LTN1: variants seen among roughly 807,000 people sequenced by gnomAD.
LTN1 encodes E3 ubiquitin-protein ligase listerin.
LTN1 carries 88 observed loss-of-function variants against 201.2 expected under a neutral mutation model. The observed-to-expected ratio is 0.44, with a 90% CI of 0.37 to 0.52. The LOEUF (loss-of-function observed/expected upper bound fraction) is 0.52, where lower values mean the gene tolerates loss of function less well. LTN1 is among the 20% of genes least tolerant of loss of function. The pLI is 0.00. For missense variants in LTN1, 1,752 were observed against 2,038.7 expected (o/e 0.86, Z 2.71); for synonymous variants, 645 against 713.5 (o/e 0.90, Z 1.53).
chr21:28,982,947 A>C (rs2084670181), intron 4 of LTN1, among the ~76,000 whole-genome samples: 1 of 152,270 alleles, frequency 6.6e-6, no homozygotes, highest in Non-Finnish European at 1.5e-5. Context: ...TCCATGAAGT[A>C]CAAGTTAATT....
chr21:28,980,006 G>A (rs570389704), intron 6 of LTN1, among the ~76,000 whole-genome samples: 1 of 152,242 alleles, frequency 6.6e-6, no homozygotes, highest in South Asian at 2.1e-4. Context: ...GTGTCTTGCA[G>A]TCATTTGTGG....
At chr21:28,980,740 G>A (rs1362250189) in intron 6 of LTN1, among the ~76,000 whole-genome samples, 1 of 152,008 alleles carries the variant, frequency 6.6e-6, no homozygotes, top group Non-Finnish European at 1.5e-5. Context: ...AGAATGATAA[G>A]AATCAACTGC....
At chr21:28,936,120 C>T (rs1363937856) in intron 26 of LTN1, among the ~76,000 whole-genome samples, 2 of 152,266 alleles carry the variant, frequency 1.3e-5, no homozygotes, top group East Asian at 3.9e-4. Flanking sequence ...ATTTAAAAAA[C>T]TCATATTCTT....
At chr21:28,944,824 C>A (rs1217302102) in intron 21 of LTN1, among the ~76,000 whole-genome samples, 2 of 152,058 alleles carry the variant, frequency 1.3e-5, no homozygotes, top group Non-Finnish European at 1.5e-5. Context: ...TCTCAAGTAC[C>A]CTTTTTAATT....
At chr21:28,933,702 G>A (rs2084230829) in intron 27 of LTN1, among the ~76,000 whole-genome samples, 1 of 142,664 alleles carries the variant, frequency 7.0e-6, no homozygotes, top group Admixed American at 7.1e-5. Context: ...TTGAGATGGA[G>A]TTTCACTCTT....
At chr21:28,936,156 A>G (rs2084255210) in intron 26 of LTN1, among the ~76,000 whole-genome samples, 1 of 152,232 alleles carries the variant, frequency 6.6e-6, no homozygotes, top group South Asian at 2.1e-4. Context: ...ATACTGTAGT[A>G]CAACCAGATA....
intron 11 of LTN1, chr21:28,964,763 A>G (rs2146295953): frequency 6.5e-7 from 1 of 1,549,606 alleles, no homozygotes; most frequent in East Asian, 2.4e-5. Context: ...CGGCAGGTAC[A>G]TTCCTAAGTT....
chr21:28,930,038 T>C lies in LTN1; in HGVS notation c.*410A>G, dbSNP rs1225660528. On this transcript the variant is annotated 3_prime_UTR_variant, in exon 30 of 30. Coordinates refer to ENST00000361371, the MANE Select transcript of LTN1 (RefSeq NM_015565.3). ...AAAATATCTATAGATGTAAATCAGC[T>C]CTCTCAGTTCGTTTTGCTTCACTTG... The C allele has an allele frequency of 6.5e-6, 1 of 154,862 alleles. No individual in the cohort carries two copies. Among genetic ancestry groups the C allele is most frequent in the African/African-American group, 2.4e-5 (1 of 41,518 alleles). 9.6% of individuals were successfully genotyped at this position (154,862 alleles called of 1,614,324 possible).
intron 9 of LTN1, among the ~76,000 whole-genome samples, chr21:28,969,237 T>C (rs2084553106): frequency 6.6e-6 from 1 of 151,602 alleles, no homozygotes; most frequent in Non-Finnish European, 1.5e-5. Context: ...AAAAAAGGGA[T>C]TTTTGCATCC....
intron 10 of LTN1, 97 bp from the exon 11 acceptor site, chr21:28,966,003 G>T: frequency 1.3e-6 from 1 of 763,586 alleles, no homozygotes; most frequent in Non-Finnish European, 2.1e-6. Flanking sequence ...GAACTCATGG[G>T]CTCAAGCCAA....
intron 18 of LTN1, among the ~76,000 whole-genome samples, chr21:28,949,402 A>T (rs1372637931): frequency 6.6e-6 from 1 of 152,206 alleles, no homozygotes; most frequent in African/African-American, 2.4e-5. Context: ...TTTAAAGTGT[A>T]GAGTTCTGCA....
intron 3 of LTN1, among the ~76,000 whole-genome samples, chr21:28,985,853 G>A (rs910455030): frequency 6.6e-6 from 1 of 151,928 alleles, no homozygotes; most frequent in Non-Finnish European, 1.5e-5. Context: ...TAGAGACAGG[G>A]TTTCACCATG....
Position 28,959,449 on chromosome 21 carries a change from G to A in LTN1, c.2593+9C>T, listed in dbSNP as rs2084455807. ...TTCCCAACAAAACATTTGAGCAGTA[G>A]GCTATTACCTGGCAAATGTGTTTTT... On this transcript the variant is annotated intron_variant, in intron 13 of 29. Transcript: ENST00000361371. 6.2e-7 allele frequency: 1 copy of A among 1,610,674 alleles called. No homozygotes were observed. The highest frequency in any genetic ancestry group is 8.5e-7 in the Non-Finnish European group (1 of 1,177,798).
rs758905530 is a variant in LTN1 at position 28,984,869 on chromosome 21, G to A, written c.399C>T (p.Ile133=). The change falls in exon 4 of 30, where the codon ATC becomes ATT. Residue 133 remains isoleucine (I), a synonymous_variant. Transcript: ENST00000361371. ...GAGCCAACTGTTTCTTTACTTTAAG[G>A]ATAAGTTTTTCAAAAGCTTGTTGTG... ...EATQQAFEKL[I]LKVKKQLAPY... The A allele has an allele frequency of 3.7e-6, 6 of 1,613,986 alleles. No homozygotes were observed. The highest frequency in any genetic ancestry group is 4.2e-6 in the Non-Finnish European group (5 of 1,179,968).
At chr21:28,987,012 C>T in intron 1 of LTN1, 78 bp from the exon 2 acceptor site, 2 of 902,970 alleles carry the variant, frequency 2.2e-6, no homozygotes, top group Non-Finnish European at 3.5e-6. Flanking sequence ...CTTGGCTATT[C>T]CCATGGTCAG....
chr21:28,954,316 C>T (rs554671083), intron 16 of LTN1, among the ~76,000 whole-genome samples: 1 of 152,264 alleles, frequency 6.6e-6, no homozygotes, highest in African/African-American at 2.4e-5. Context: ...CTTCTAGTAA[C>T]TGTGTTACAG....
chr21:28,948,191 C>CT, intron 18 of LTN1, among the ~76,000 whole-genome samples: 1 of 73,142 alleles, frequency 1.4e-5, no homozygotes, highest in Non-Finnish European at 2.7e-5. Context: ...AACTCTGTTT[C>CT]AAAAAAAAAA....
chr21:28,963,634 C>T (rs926234016), intron 11 of LTN1, among the ~76,000 whole-genome samples: 59 of 152,068 alleles, frequency 3.9e-4, no homozygotes, highest in African/African-American at 1.4e-3. Context: ...ATTCTGCAGC[C>T]CATGAATCAG....
intron 1 of LTN1, among the ~76,000 whole-genome samples, chr21:28,990,569 T>C (rs943601142): frequency 5.3e-5 from 8 of 152,204 alleles, no homozygotes; most frequent in African/African-American, 1.9e-4. Context: ...TTATTTGTTA[T>C]TGGCCAATGG....
Sources: allele counts gnomAD v4.1 joint callset (sites outside exome capture counted in the v4.1 genomes callset), GRCh38; gene constraint gnomAD v4.1.1; transcripts MANE v1.5; gene names NCBI Gene and HGNC (gene_info 2026-07-23, HGNC 2026-07-21).